RAB27A: variants seen among roughly 807,000 people sequenced by gnomAD.
RAB27A encodes ras-related protein Rab-27A.
In RAB27A, 17 loss-of-function variants were observed where a neutral mutation model predicts 20.8. The ratio of observed to expected loss-of-function variants is 0.82; its 90% CI spans 0.56 to 1.23. The LOEUF (loss-of-function observed/expected upper bound fraction) is 1.23. RAB27A is among the 50% of genes most tolerant of loss of function. The pLI is 0.00. For missense variants in RAB27A, 277 were observed against 266.7 expected (o/e 1.04, Z -0.27); for synonymous variants, 85 against 92.8 (o/e 0.92, Z 0.48).
intron 2 of RAB27A, among the ~76,000 whole-genome samples, chr15:55,296,097 T>C (rs924926463): frequency 4.0e-5 from 6 of 151,246 alleles, no homozygotes; most frequent in Admixed American, 2.0e-4. Context: ...GGTTCCACCA[T>C]GTTGGCCAGG....
chr15:55,228,803 G>A lies in RAB27A; in HGVS notation c.240-91C>T. Reference sequence around the variant, plus strand: ...GCAATGCCTTCAGCCTCTTACAAAAGTTTACCAATAACAAGCTACATGGTG... The same window carrying A: ...GCAATGCCTTCAGCCTCTTACAAAAATTTACCAATAACAAGCTACATGGTG... On this transcript the variant is annotated intron_variant, in intron 4 of 6. Transcript: ENST00000336787. The A allele has an allele frequency of 6.8e-6, 6 of 877,974 alleles. 1 individual carries two copies. In the South Asian group the frequency reaches 8.1e-5, roughly 12 times the overall value. The allele number at this position is 877,974 out of a possible 1,614,324, so 54.4% of individuals were successfully genotyped here.
At chr15:55,316,483 G>A (rs1470415971) in intron 1 of RAB27A, among the ~76,000 whole-genome samples, 1 of 151,582 alleles carries the variant, frequency 6.6e-6, no homozygotes, top group Non-Finnish European at 1.5e-5. Context: ...AATGCCTGCA[G>A]GGCTTAAAAC....
rs141633135 is a variant in RAB27A at position 55,259,497 on chromosome 15, A to C, written c.-23+10668T>G. On this transcript the variant is annotated intron_variant, in intron 2 of 6. Coordinates refer to ENST00000336787, the MANE Select transcript of RAB27A (RefSeq NM_183235.3). Reference sequence around the variant, plus strand: ...AGATGGGGTCTCACTATGTTGCCCAAGCTAGTCTTGAACTCCTAGTCTCAA... The same window carrying C: ...AGATGGGGTCTCACTATGTTGCCCACGCTAGTCTTGAACTCCTAGTCTCAA... Among the ~76,000 whole-genome samples, 245 of 151,118 alleles carry C rather than the reference A, an allele frequency of 1.6e-3. 3 individuals are homozygous for C. In the East Asian group the frequency reaches 0.024, roughly 15 times the overall value.
chr15:55,296,459 G>A (rs576937023), intron 2 of RAB27A, among the ~76,000 whole-genome samples: 2 of 152,034 alleles, frequency 1.3e-5, no homozygotes, highest in Admixed American at 6.5e-5. Context: ...TGCCTAGATC[G>A]TGCCACTGCA....
At chr15:55,259,238 A>G (rs1383949535) in intron 2 of RAB27A, among the ~76,000 whole-genome samples, 1 of 151,764 alleles carries the variant, frequency 6.6e-6, no homozygotes, top group Non-Finnish European at 1.5e-5. Flanking sequence ...GTGGCTCTTA[A>G]TCTTAAAATA....
intron 6 of RAB27A, among the ~76,000 whole-genome samples, chr15:55,214,088 G>A (rs1895150786): frequency 6.6e-6 from 1 of 152,170 alleles, no homozygotes. Flanking sequence ...CCTCCAGGAG[G>A]TGATAAGGCC....
At chr15:55,236,728 T>C (rs995239913) in intron 2 of RAB27A, among the ~76,000 whole-genome samples, 2 of 152,188 alleles carry the variant, frequency 1.3e-5, no homozygotes, top group African/African-American at 2.4e-5. Flanking sequence ...TATTGATACA[T>C]AATATTTGTA....
chr15:55,242,510 T>C (rs773951855), intron 2 of RAB27A, among the ~76,000 whole-genome samples: 1 of 152,226 alleles, frequency 6.6e-6, no homozygotes, highest in Non-Finnish European at 1.5e-5. Context: ...AGCACATTGT[T>C]TGCCCTGTGC....
chr15:55,214,412 G>T (rs893073389), intron 6 of RAB27A, among the ~76,000 whole-genome samples: 2 of 152,170 alleles, frequency 1.3e-5, no homozygotes, highest in African/African-American at 4.8e-5. Flanking sequence ...CTCCAGCCTG[G>T]GCGACAGAGC....
At chr15:55,230,859 G>C (rs753643502) in intron 3 of RAB27A, among the ~76,000 whole-genome samples, 3 of 151,966 alleles carry the variant, frequency 2.0e-5, no homozygotes, top group Admixed American at 6.6e-5. Context: ...ACATGTGCAG[G>C]CTTGTTACGT....
intron 6 of RAB27A, among the ~76,000 whole-genome samples, chr15:55,210,133 GTA>G (rs1894926015): frequency 8.1e-6 from 1 of 122,702 alleles, no homozygotes; most frequent in Admixed American, 7.3e-5. Context: ...TATATATAGT[GTA>G]TATATGTATG....
intron 2 of RAB27A, among the ~76,000 whole-genome samples, chr15:55,303,825 CGGGA>C (rs1349018537): frequency 7.5e-6 from 1 of 132,718 alleles, no homozygotes; most frequent in Non-Finnish European, 1.6e-5. Flanking sequence ...CCGCCCCGTC[CGGGA>C]GGGAGGTGGG....
At chr15:55,254,581 C>T (rs1390698080) in intron 2 of RAB27A, among the ~76,000 whole-genome samples, 3 of 152,002 alleles carry the variant, frequency 2.0e-5, no homozygotes, top group Non-Finnish European at 4.4e-5. Context: ...TTATAATATA[C>T]TTATAAACTG....
At chr15:55,252,088 C>A (rs757514432) in intron 2 of RAB27A, among the ~76,000 whole-genome samples, 13 of 151,928 alleles carry the variant, frequency 8.6e-5, no homozygotes, top group African/African-American at 3.1e-4. Context: ...AGCAGGTCAA[C>A]AAAGGGGAAG....
intron 2 of RAB27A, 57 bp from the exon 3 acceptor site, chr15:55,235,013 C>A (rs932874057): frequency 7.8e-5 from 107 of 1,364,978 alleles, no homozygotes; most frequent in Non-Finnish European, 7.2e-5. Flanking sequence ...ATTAATTATC[C>A]ATTTAAAAAG....
chr15:55,209,269 A>G (rs1213928057), intron 6 of RAB27A, among the ~76,000 whole-genome samples: 1 of 151,984 alleles, frequency 6.6e-6, no homozygotes, highest in African/African-American at 2.4e-5. Flanking sequence ...TGTACCTATT[A>G]ATCAATCTCT....
chr15:55,290,871 T>C (rs1337895450), upstream of RAB27A, among the ~76,000 whole-genome samples: 1 of 152,234 alleles, frequency 6.6e-6, no homozygotes, highest in Non-Finnish European at 1.5e-5. Context: ...TTAGTTCAGC[T>C]TCCCTTCTGC....
Position 55,228,604 on chromosome 15 carries a change from C to G in RAB27A, c.343+5G>C. ...AGCAGGACACTGGGGAACAATAACA[C>G]TTACTTATCCAGTTTCTGACATTGA... is the stretch of plus-strand genomic sequence containing the variant. On this transcript the variant is annotated splice_donor_5th_base_variant and intron_variant, in intron 5 of 6. Transcript: ENST00000336787. 2 of 1,579,436 alleles carry G rather than the reference C, an allele frequency of 1.3e-6. No homozygotes were observed. Among genetic ancestry groups the G allele is most frequent in the Non-Finnish European group, 1.7e-6 (2 of 1,148,514 alleles).
At chr15:55,229,140 G>C (rs920945361) in intron 4 of RAB27A, among the ~76,000 whole-genome samples, 6 of 152,050 alleles carry the variant, frequency 3.9e-5, no homozygotes, top group African/African-American at 1.4e-4. Context: ...TCTTGACTCA[G>C]ACCTTATTCT....
Sources: gnomAD v4.1 joint callset for allele counts (sites outside exome capture counted in the v4.1 genomes callset) on GRCh38, gnomAD v4.1.1 for gene constraint, MANE v1.5 for transcripts, NCBI Gene and HGNC (gene_info 2026-07-23, HGNC 2026-07-21) for gene names.